SCARB1: variants seen among roughly 807,000 people sequenced by gnomAD.
SCARB1 encodes scavenger receptor class B member 1.
A neutral mutation model predicts 57.2 loss-of-function variants in SCARB1; 30 were observed. That is an observed-to-expected ratio of 0.52 (90% CI 0.39 to 0.71). The LOEUF (loss-of-function observed/expected upper bound fraction) is 0.71, where lower values mean the gene tolerates loss of function less well. SCARB1 is among the 30% of genes least tolerant of loss of function. The pLI is 0.00. For synonymous variants in SCARB1, 249 were observed against 268.3 expected, an observed-to-expected ratio of 0.93 and a Z score of 0.70; for missense variants, 543 against 671.2, an observed-to-expected ratio of 0.81 and a Z score of 2.11.
chr12:124,846,655 CG>C (rs947663011), intron 1 of SCARB1, among the ~76,000 whole-genome samples: 1 of 143,494 alleles, frequency 7.0e-6, no homozygotes, highest in African/African-American at 2.6e-5. Flanking sequence ...TGCTTGAACC[CG>C]GGGGGCAGAA....
chr12:124,793,469 G>A (rs889934795), intron 9 of SCARB1, among the ~76,000 whole-genome samples: 9 of 151,744 alleles, frequency 5.9e-5, no homozygotes, highest in African/African-American at 1.2e-4. Context: ...CGAGGCGGGC[G>A]GATCACGAGG....
At chr12:124,821,912 C>T (rs538043150) in intron 1 of SCARB1, among the ~76,000 whole-genome samples, 1 of 152,160 alleles carries the variant, frequency 6.6e-6, no homozygotes, top group Non-Finnish European at 1.5e-5. Flanking sequence ...GACACTGTGG[C>T]CTTTTGCCTA....
At chr12:124,815,593 C>G (rs148736512) in intron 2 of SCARB1, among the ~76,000 whole-genome samples, 1 of 152,342 alleles carries the variant, frequency 6.6e-6, no homozygotes, top group African/African-American at 2.4e-5. Flanking sequence ...AGGTCGGGAG[C>G]AGTGGCTCAT....
chr12:124,779,353 G>C (rs1410795303), intron 12 of SCARB1, among the ~76,000 whole-genome samples: 1 of 152,228 alleles, frequency 6.6e-6, no homozygotes, highest in East Asian at 1.9e-4. Context: ...GCAGCAGGAT[G>C]CAGCTTCGGT....
chr12:124,856,630 G>C (rs527977957), intron 1 of SCARB1, among the ~76,000 whole-genome samples: 1 of 152,220 alleles, frequency 6.6e-6, no homozygotes, highest in African/African-American at 2.4e-5. Flanking sequence ...AGCTGTCCTC[G>C]AGGAGCCCCC....
chr12:124,863,690 C>G lies in SCARB1; in HGVS notation c.31G>C (p.Ala11Pro). MGCSAKARWA[A>P]GALGVAGLLC... Reference sequence around the variant, plus strand: ...AGCCCCGCGACGCCCAGCGCCCCGGCAGCCCAGCGCGCTTTGGCGGAGCAG... The same window carrying G: ...AGCCCCGCGACGCCCAGCGCCCCGGGAGCCCAGCGCGCTTTGGCGGAGCAG... The change falls in exon 1 of 13, where the codon GCC (alanine) becomes CCC (proline). Residue 11 changes from alanine to proline, a missense_variant. By Grantham distance (27) the Ala-to-Pro change is conservative (BLOSUM62 -1). Transcript: ENST00000261693. 6.5e-7 allele frequency: 1 copy of G among 1,548,132 alleles called. No homozygotes were observed. Among genetic ancestry groups the G allele is most frequent in the South Asian group, 1.2e-5 (1 of 83,772 alleles).
chr12:124,795,238 TCA>T lies in SCARB1; in HGVS notation c.1157_1158del (p.Val386GlufsTer21). On this transcript the variant is annotated frameshift_variant, in exon 9 of 13. Coordinates refer to ENST00000261693, the MANE Select transcript of SCARB1 (RefSeq NM_005505.5). LOFTEE classifies it high-confidence loss of function. ...TTCATGTAGAGGCTCAGCTGCAGTT[TCA>T]CAGAGCAGTTCATGGGGATTCCCGT... ...PVTGIPMNCS[V>X]KLQLSLYMKS... 2 of 1,614,018 alleles carry T rather than the reference TCA, an allele frequency of 1.2e-6. No individual in the cohort carries two copies. The highest frequency in any genetic ancestry group is 1.7e-6 in the Non-Finnish European group (2 of 1,179,928).
intron 1 of SCARB1, among the ~76,000 whole-genome samples, chr12:124,823,520 A>C (rs1009559812): frequency 2.0e-5 from 3 of 152,152 alleles, no homozygotes; most frequent in Non-Finnish European, 4.4e-5. Context: ...ACCTTTATGC[A>C]TTGCCGGCAG....
At chr12:124,799,232 GAATT>G (rs1287198854) in intron 8 of SCARB1, among the ~76,000 whole-genome samples, 2 of 152,116 alleles carry the variant, frequency 1.3e-5, no homozygotes, top group African/African-American at 4.8e-5. Flanking sequence ...TCAATTTAGA[GAATT>G]AATTTTGGCT....
rs1950567301 is a variant in SCARB1, at chr12:124,812,569, C to T, written c.631-604G>A. Reference sequence around the variant, plus strand: ...GTCACAGCAGCAAAACCTGGCCTGTCCTAACCCATCGAGGTTCTTGATAGT... The same window carrying T: ...GTCACAGCAGCAAAACCTGGCCTGTTCTAACCCATCGAGGTTCTTGATAGT... On this transcript the variant is annotated intron_variant, in intron 4 of 12. Coordinates refer to ENST00000261693, the MANE Select transcript of SCARB1 (RefSeq NM_005505.5). The surrounding 1 kb of genome is among the most constrained non-coding windows in gnomAD (Gnocchi z 4.3). Among the ~76,000 whole-genome samples the T allele has an allele frequency of 6.6e-6, 1 of 152,246 alleles. No individual in the cohort carries two copies. Among genetic ancestry groups the T allele is most frequent in the African/African-American group, 2.4e-5 (1 of 41,460 alleles).
chr12:124,817,439 C>T lies in SCARB1; in HGVS notation c.284+111G>A, dbSNP rs1164650628. On this transcript the variant is annotated intron_variant, in intron 2 of 12. Transcript: ENST00000261693. The surrounding 1 kb of genome is among the most constrained non-coding windows in gnomAD (Gnocchi z 4.8). Reference sequence around the variant, plus strand: ...ACCCCGACTATGACTTGCCTGCTTCCGGAACAATCTCTGGGGCTCAGTCAG... The same window carrying T: ...ACCCCGACTATGACTTGCCTGCTTCTGGAACAATCTCTGGGGCTCAGTCAG... The T allele has an allele frequency of 3.2e-5, 36 of 1,119,726 alleles. 1 individual carries two copies. Among genetic ancestry groups the T allele is most frequent in the South Asian group, 2.2e-4 (17 of 76,772 alleles). The allele number at this position is 1,119,726 out of a possible 1,614,324, so 69.4% of individuals were successfully genotyped here.
At position 124,800,812 on chromosome 12, in the gene SCARB1, C is replaced by A. The variant is rs1045133974; in HGVS notation, c.1010-570G>T. On this transcript the variant is annotated intron_variant, in intron 7 of 12. Transcript: ENST00000261693. This position sits in a 1 kb window ranked among gnomAD's most constrained non-coding sequence, Gnocchi z 4.8. ...TGCTACAAATGTGAGCTCAACCTCG[C>A]CACTGACCAACCAAACCAGGCAAAC... Among the ~76,000 whole-genome samples the A allele has an allele frequency of 3.3e-5, 5 of 152,138 alleles. No homozygotes were observed. The highest frequency in any genetic ancestry group is 7.4e-5 in the Non-Finnish European group (5 of 68,022).
intron 1 of SCARB1, among the ~76,000 whole-genome samples, chr12:124,823,038 A>G (rs1353726676): frequency 6.6e-6 from 1 of 152,278 alleles, no homozygotes; most frequent in East Asian, 1.9e-4. Flanking sequence ...AAAGGCAGAT[A>G]TGTGCATACA....
intron 1 of SCARB1, among the ~76,000 whole-genome samples, chr12:124,840,355 T>C (rs1951861657): frequency 6.6e-6 from 1 of 152,162 alleles, no homozygotes; most frequent in Admixed American, 6.5e-5. Flanking sequence ...TTTTTGTATT[T>C]TTAGTAGAGA....
At chr12:124,851,129 G>C (rs1444589158) in intron 1 of SCARB1, among the ~76,000 whole-genome samples, 1 of 152,202 alleles carries the variant, frequency 6.6e-6, no homozygotes, top group African/African-American at 2.4e-5. Context: ...CAGCCACTGA[G>C]AAAATTCTTT....
intron 1 of SCARB1, among the ~76,000 whole-genome samples, chr12:124,824,163 G>A (rs1192889769): frequency 1.6e-5 from 2 of 125,786 alleles, no homozygotes; most frequent in Admixed American, 8.7e-5. Flanking sequence ...GTAACAGACC[G>A]AGATTTCATC....
chr12:124,830,214 T>C (rs1324426704), intron 1 of SCARB1, among the ~76,000 whole-genome samples: 1 of 152,228 alleles, frequency 6.6e-6, no homozygotes, highest in African/African-American at 2.4e-5. Context: ...CTGGTGAGGA[T>C]GTGGAGCAGC....
At chr12:124,803,256 C>T (rs745532638) in intron 7 of SCARB1, among the ~76,000 whole-genome samples, 3 of 152,166 alleles carry the variant, frequency 2.0e-5, no homozygotes, top group Non-Finnish European at 4.4e-5. Flanking sequence ...GTGCTGGCCA[C>T]GGGGTGCGTT....
rs139541094 is a variant in SCARB1, at chr12:124,777,986, G to A, written c.*601C>T. On this transcript the variant is annotated 3_prime_UTR_variant, in exon 13 of 13. Transcript: ENST00000261693. ...CCGGCCGGGGTGGGCGGAGACCCTC[G>A]GGCAGCTGCACAGGGCATCTTGTGC... 3.1e-4 allele frequency: 48 copies of A among 153,766 alleles called. 1 individual carries two copies. In the East Asian group the frequency reaches 8.2e-3, roughly 26 times the overall value. 9.5% of individuals were successfully genotyped at this position (153,766 alleles called of 1,614,324 possible).
Sources: allele counts gnomAD v4.1 joint callset (sites outside exome capture counted in the v4.1 genomes callset), GRCh38; gene constraint gnomAD v4.1.1; non-coding constraint Gnocchi (gnomAD v3.1); transcripts MANE v1.5; gene names NCBI Gene and HGNC (gene_info 2026-07-23, HGNC 2026-07-21).